Variants in SYNRG observed in about 807,000 individuals in gnomAD.
The protein encoded by SYNRG is AP1 gamma subunit binding protein 1.
SYNRG carries 37 observed loss-of-function variants against 130.9 expected under a neutral mutation model. The observed-to-expected ratio is 0.28, with a 90% CI of 0.22 to 0.37. SYNRG has a LOEUF of 0.37. Among genes scored for constraint, SYNRG ranks in the 10% least tolerant of loss-of-function variants. The probability of loss-of-function intolerance (pLI) is 1.00; values close to 1 mark genes in which losing one functional copy is unlikely to be tolerated. For synonymous variants in SYNRG, 539 were observed against 568.1 expected, an observed-to-expected ratio of 0.95 and a Z score of 0.73; for missense variants, 1,338 against 1,588.9, an observed-to-expected ratio of 0.84 and a Z score of 2.68.
At chr17:37,520,298 T>A in intron 20 of SYNRG, 84 bp from the exon 21 acceptor site, 1 of 1,558,798 alleles carries the variant, frequency 6.4e-7, no homozygotes, top group African/African-American at 1.4e-5. Context: ...AGGTTCACCC[T>A]TTTCCCCTGA....
At chr17:37,554,357 C>T (rs918810182) in intron 13 of SYNRG, among the ~76,000 whole-genome samples, 1 of 152,080 alleles carries the variant, frequency 6.6e-6, no homozygotes, top group African/African-American at 2.4e-5. Flanking sequence ...GCTAAAAGTA[C>T]TCCTCTCAAG....
At chr17:37,603,342 A>AAAT (rs932111594) in intron 1 of SYNRG, among the ~76,000 whole-genome samples, 2 of 152,134 alleles carry the variant, frequency 1.3e-5, no homozygotes, top group African/African-American at 2.4e-5. Flanking sequence ...CATCTCTCCA[A>AAAT]AATAATAATA....
At chr17:37,603,018 A>G (rs575039306) in intron 1 of SYNRG, among the ~76,000 whole-genome samples, 39 of 152,204 alleles carry the variant, frequency 2.6e-4, no homozygotes, top group African/African-American at 8.9e-4. Flanking sequence ...GAATGACAGA[A>G]GGAGACTCTG....
chr17:37,583,686 T>C (rs146770609), intron 6 of SYNRG, among the ~76,000 whole-genome samples: 1 of 152,120 alleles, frequency 6.6e-6, no homozygotes, highest in African/African-American at 2.4e-5. Context: ...TGTCAAAACG[T>C]TGAATTTGTT....
chr17:37,520,634 C>T lies in SYNRG; in HGVS notation c.3681G>A (p.Ser1227=), dbSNP rs150039501. Residue 1227 remains serine, a synonymous_variant, in exon 20 of 22, where the codon TCG becomes TCA. Coordinates refer to ENST00000612223, the MANE Select transcript of SYNRG (RefSeq NM_007247.6). ...SLATLTPDEN[S]LDFSSCMLRP... ...GTAACATACAGGAGGAAAAATCCAG[C>T]GAGTTTTCATCTGGCTGTGAGGACG... is the stretch of plus-strand genomic sequence containing the variant. 30 of 1,614,050 alleles carry T rather than the reference C, an allele frequency of 1.9e-5. No individual in the cohort carries two copies. Among genetic ancestry groups the T allele is most frequent in the Non-Finnish European group, 2.3e-5 (27 of 1,180,040 alleles).
chr17:37,522,295 T>C (rs934737585), intron 19 of SYNRG, among the ~76,000 whole-genome samples: 8 of 151,748 alleles, frequency 5.3e-5, no homozygotes, highest in African/African-American at 7.3e-5. Flanking sequence ...CTCAAATAGC[T>C]GGGGCCACAT....
chr17:37,535,506 A>G (rs2057103493), intron 19 of SYNRG, among the ~76,000 whole-genome samples: 1 of 152,212 alleles, frequency 6.6e-6, no homozygotes, highest in Non-Finnish European at 1.5e-5. Flanking sequence ...ACATCCCCAC[A>G]AAGGAACAGT....
intron 6 of SYNRG, among the ~76,000 whole-genome samples, chr17:37,579,782 A>C (rs1288359594): frequency 6.6e-6 from 1 of 152,176 alleles, no homozygotes; most frequent in Non-Finnish European, 1.5e-5. Flanking sequence ...ATAGCTCATG[A>C]TCATAGCAGC....
intron 21 of SYNRG, 83 bp from the exon 22 acceptor site, chr17:37,519,154 T>C (rs2054669365): frequency 4.5e-6 from 7 of 1,548,092 alleles, no homozygotes; most frequent in Non-Finnish European, 5.3e-6. Flanking sequence ...TGTACATCTA[T>C]CTCTCCAGGT....
chr17:37,566,011 G>T lies in SYNRG; in HGVS notation c.1481+2780C>A, dbSNP rs768341999. Among the ~76,000 whole-genome samples the T allele has an allele frequency of 4.7e-5, 7 of 149,760 alleles. No homozygotes were observed. In the East Asian group the frequency reaches 1.2e-3, roughly 26 times the overall value. On this transcript the variant is annotated intron_variant, in intron 11 of 21. Transcript: ENST00000612223. ...CAGCCGCCCCGTCCGGGAGGGAGGTGGGGGGGTCAGCCCCCCGCCCGGCCA... is the reference window on the plus strand; with the variant it reads ...CAGCCGCCCCGTCCGGGAGGGAGGTTGGGGGGTCAGCCCCCCGCCCGGCCA...
At chr17:37,581,450 G>A (rs1458643635) in intron 6 of SYNRG, among the ~76,000 whole-genome samples, 3 of 151,458 alleles carry the variant, frequency 2.0e-5, no homozygotes, top group Non-Finnish European at 4.4e-5. Context: ...GCTAATTTTT[G>A]TATTTTTAGT....
chr17:37,584,529 G>C, intron 6 of SYNRG, 119 bp downstream of exon 6: 1 of 764,592 alleles, frequency 1.3e-6, no homozygotes, highest in Non-Finnish European at 2.2e-6. Flanking sequence ...TCTGTACTTA[G>C]CTTGAAGGAA....
In SYNRG at chr17:37,518,879, T is replaced by G. The variant is rs530869446; in HGVS notation, c.*61A>C. The G allele has an allele frequency of 4.4e-6, 7 of 1,586,742 alleles. No homozygotes were observed. The South Asian group carries it at 8.0e-5, about 18-fold the overall frequency. On this transcript the variant is annotated 3_prime_UTR_variant, in exon 22 of 22. Coordinates refer to ENST00000612223, the MANE Select transcript of SYNRG (RefSeq NM_007247.6). ...GCAGTGCTCGCATTCTATTTATTGG[T>G]CCCTGTCACCCCGTGGGGTGTCACA...
chr17:37,561,391 G>C, intron 12 of SYNRG, 80 bp downstream of exon 12: 1 of 1,440,894 alleles, frequency 6.9e-7, no homozygotes, highest in Non-Finnish European at 9.8e-7. Flanking sequence ...TAGCACAGAA[G>C]ACCACCACTT....
rs919575476 is a variant in SYNRG, at chr17:37,518,833, C to T, written c.*107G>A. 1.4e-5 allele frequency: 20 copies of T among 1,471,306 alleles called. No homozygotes were observed. In the African/African-American group the frequency reaches 1.7e-4, roughly 12 times the overall value. The allele number at this position is 1,471,306 out of a possible 1,614,324, so 91.1% of individuals were successfully genotyped here. On this transcript the variant is annotated 3_prime_UTR_variant, in exon 22 of 22. Coordinates refer to ENST00000612223, the MANE Select transcript of SYNRG (RefSeq NM_007247.6). ...CCGTCCCTTGCGGTGTTCTTCATAT[C>T]GATTCAGGGAAGCGAACTGTGCAGT...
intron 19 of SYNRG, among the ~76,000 whole-genome samples, chr17:37,527,488 A>G (rs2056080201): frequency 6.6e-6 from 1 of 152,208 alleles, no homozygotes; most frequent in Non-Finnish European, 1.5e-5. Flanking sequence ...ATCAAAGAGA[A>G]AGAGAGCATA....
Position 37,577,514 on chromosome 17 carries a change from A to G in SYNRG, c.689T>C (p.Leu230Pro), listed in dbSNP as rs1470820831. 1 of 1,614,134 alleles carries G rather than the reference A, an allele frequency of 6.2e-7. No homozygotes were observed. The highest frequency in any genetic ancestry group is 1.7e-5 in the Admixed American group (1 of 60,006). Residue 230 changes from leucine to proline, a missense_variant, in exon 7 of 22, where the codon CTA (leucine) becomes CCA (proline). By Grantham distance (98) the Leu-to-Pro change is moderately conservative. Around this residue, in one of 3 missense-constraint regions of SYNRG, gnomAD observed 1,146 missense variants for 1,342.3 expected, o/e 0.85. Coordinates refer to ENST00000612223, the MANE Select transcript of SYNRG (RefSeq NM_007247.6). ...LNTSEVGHKALGPGSSKKYPS... is the reference protein window; with the variant it reads ...LNTSEVGHKAPGPGSSKKYPS... ...ATACTTCTTACTGGAACCTGGGCCT[A>G]GGGCTTTGTGGCCAACTTCAGAAGT...
At chr17:37,519,597 A>G (rs1273054601) in intron 21 of SYNRG, among the ~76,000 whole-genome samples, 1 of 152,218 alleles carries the variant, frequency 6.6e-6, no homozygotes, top group Non-Finnish European at 1.5e-5. Context: ...ATTGACCCTA[A>G]TGCCTAATGA....
chr17:37,576,143 T>C (rs998671658), intron 8 of SYNRG, among the ~76,000 whole-genome samples, 198 bp downstream of exon 8: 2 of 152,202 alleles, frequency 1.3e-5, no homozygotes, highest in Non-Finnish European at 2.9e-5. Context: ...TTCTCCTCTA[T>C]TTATATAGTT....
Sources: gnomAD v4.1 joint callset for allele counts (sites outside exome capture counted in the v4.1 genomes callset) on GRCh38, gnomAD v4.1.1 for gene constraint, gnomAD v4.1.1 regional missense constraint, MANE v1.5 for transcripts, NCBI Gene and HGNC (gene_info 2026-07-23, HGNC 2026-07-21) for gene names.